DCUN1D5: variants seen among roughly 807,000 people sequenced by gnomAD.
The protein encoded by DCUN1D5 is DCN1-like protein 5.
DCUN1D5 carries 10 observed loss-of-function variants against 38.3 expected under a neutral mutation model. The ratio of observed to expected loss-of-function variants is 0.26; its 90% CI spans 0.16 to 0.44. DCUN1D5 has a LOEUF of 0.44. DCUN1D5 is among the 20% of genes least tolerant of loss of function. The pLI is 1.00. For synonymous variants in DCUN1D5, 93 were observed against 90.9 expected (o/e 1.02, Z -0.13); for missense variants, 148 against 275.3 (o/e 0.54, Z 3.27).
In DCUN1D5 at chr11:103,073,151, T is replaced by C. The variant is rs1443586603; in HGVS notation, c.342-6584A>G. Among the ~76,000 whole-genome samples, 1 of 151,882 alleles carries C rather than the reference T, an allele frequency of 6.6e-6. No homozygotes were observed. The highest frequency in any genetic ancestry group is 2.4e-5 in the African/African-American group (1 of 41,342). ...CATTTACAACAGGTTGAAGTAAAAA[T>C]AAAATACTTAGGTGTAATTCTAACA... On this transcript the variant is annotated intron_variant, in intron 4 of 7. Transcript: ENST00000260247. The surrounding 1 kb of genome is among the most constrained non-coding windows in gnomAD (Gnocchi z 4.2).
Position 103,083,451 on chromosome 11 carries a change from T to C in DCUN1D5, c.179-125A>G, listed in dbSNP as rs894178220. 2 of 570,766 alleles carry C rather than the reference T, an allele frequency of 3.5e-6. No homozygotes were observed. Among genetic ancestry groups the C allele is most frequent in the Non-Finnish European group, 6.3e-6 (2 of 316,360 alleles). The allele number at this position is 570,766 out of a possible 1,614,324, so 35.4% of individuals were successfully genotyped here. On this transcript the variant is annotated intron_variant, in intron 2 of 7. Transcript: ENST00000260247. This position sits in a 1 kb window ranked among gnomAD's most constrained non-coding sequence, Gnocchi z 4.4. ...AAATAATTAAATTTGAATTTTGGCA[T>C]AGCTTTGATAAGTATAAATATTTGC...
Position 103,087,150 on chromosome 11 carries a change from A to AC in DCUN1D5, c.178+2076dup, listed in dbSNP as rs1389180915. 1.3e-5 allele frequency among the ~76,000 whole-genome samples: 2 copies of AC among 148,492 alleles called. No homozygotes were observed. The highest frequency in any genetic ancestry group is 3.0e-5 in the Non-Finnish European group (2 of 67,272). On this transcript the variant is annotated intron_variant, in intron 2 of 7. Coordinates refer to ENST00000260247, the MANE Select transcript of DCUN1D5 (RefSeq NM_032299.4). The surrounding 1 kb of genome is among the most constrained non-coding windows in gnomAD (Gnocchi z 4.1). Reference sequence around the variant, plus strand: ...AGACCAGTTTGGGCAACATCGTGAAACCCCATTTCTTTTTTTCTTTTTCTT... The same window carrying AC: ...AGACCAGTTTGGGCAACATCGTGAAACCCCCATTTCTTTTTTTCTTTTTCTT...
rs1046447067 is a variant in DCUN1D5 at position 103,062,903 on chromosome 11, T to C, written c.659-489A>G. ...AATATCTAATTAATGAGCTAAGTAC[T>C]ATTCTAAAACATATATTTTTATAAC... On this transcript the variant is annotated intron_variant, in intron 7 of 7. Transcript: ENST00000260247. The surrounding 1 kb of genome is among the most constrained non-coding windows in gnomAD (Gnocchi z 4.6). 5.3e-5 allele frequency among the ~76,000 whole-genome samples: 8 copies of C among 152,148 alleles called. No individual in the cohort carries two copies. Among genetic ancestry groups the C allele is most frequent in the African/African-American group, 2.4e-5 (1 of 41,464 alleles).
At position 103,066,400 on chromosome 11, in the gene DCUN1D5, T is replaced by C. The variant is rs1221503223; in HGVS notation, c.451-27A>G. 1.3e-6 allele frequency: 2 copies of C among 1,598,812 alleles called. No homozygotes were observed. Among genetic ancestry groups the C allele is most frequent in the Non-Finnish European group, 1.7e-6 (2 of 1,171,156 alleles). On this transcript the variant is annotated intron_variant, in intron 5 of 7. Transcript: ENST00000260247. This position sits in a 1 kb window ranked among gnomAD's most constrained non-coding sequence, Gnocchi z 4.7. Reference sequence around the variant, plus strand: ...TAAAATATAAGTGAAAAAGTTTTCCTAAGTGTGGTCTCAAGATGAAAAGCT... The same window carrying C: ...TAAAATATAAGTGAAAAAGTTTTCCCAAGTGTGGTCTCAAGATGAAAAGCT...
rs1862444778 is a variant in DCUN1D5 at position 103,077,648 on chromosome 11, A to C, written c.341+5100T>G. On this transcript the variant is annotated intron_variant, in intron 4 of 7. Coordinates refer to ENST00000260247, the MANE Select transcript of DCUN1D5 (RefSeq NM_032299.4). The surrounding 1 kb of genome is among the most constrained non-coding windows in gnomAD (Gnocchi z 4.3). ...GGCTTTTGAACTTGTGTTTCATTAA[A>C]GACCTTTAAAGTGAGAAGAAAGTTT... 6.6e-6 allele frequency among the ~76,000 whole-genome samples: 1 copy of C among 152,240 alleles called. No individual in the cohort carries two copies. The highest frequency in any genetic ancestry group is 1.5e-5 in the Non-Finnish European group (1 of 68,046).
Position 103,062,389 on chromosome 11 carries a change from A to G in DCUN1D5, c.684T>C (p.Val228=), listed in dbSNP as rs781356799. The G allele has an allele frequency of 6.2e-7, 1 of 1,613,362 alleles. No individual in the cohort carries two copies. Among genetic ancestry groups the G allele is most frequent in the Non-Finnish European group, 8.5e-7 (1 of 1,179,576 alleles). ...ATGTCTGACGGACTTTTTGCCACTC[A>G]ACAAATTCATCAAGAAGAACAGGCC... The part of the protein sequence containing the change: ...GAWPVLLDEF[V]EWQKVRQTS Residue 228 remains valine, a synonymous_variant, in exon 8 of 8, where the codon GTT becomes GTC. Coordinates refer to ENST00000260247, the MANE Select transcript of DCUN1D5 (RefSeq NM_032299.4). The surrounding 1 kb of genome is among the most constrained non-coding windows in gnomAD (Gnocchi z 4.6).
In DCUN1D5 at chr11:103,077,424, G is replaced by C. The variant is rs1862437402; in HGVS notation, c.341+5324C>G. Among the ~76,000 whole-genome samples the C allele has an allele frequency of 6.6e-6, 1 of 152,134 alleles. No individual in the cohort carries two copies. Among genetic ancestry groups the C allele is most frequent in the Non-Finnish European group, 1.5e-5 (1 of 68,036 alleles). ...ATAAAAAGAAATGCATACTTAACTAGCGTACTATGGAAAGCAAGAGATAGT... is the reference window on the plus strand; with the variant it reads ...ATAAAAAGAAATGCATACTTAACTACCGTACTATGGAAAGCAAGAGATAGT... On this transcript the variant is annotated intron_variant, in intron 4 of 7. Coordinates refer to ENST00000260247, the MANE Select transcript of DCUN1D5 (RefSeq NM_032299.4). This position sits in a 1 kb window ranked among gnomAD's most constrained non-coding sequence, Gnocchi z 4.3.
chr11:103,079,321 C>T (rs1862492682), intron 4 of DCUN1D5, among the ~76,000 whole-genome samples: 1 of 152,154 alleles, frequency 6.6e-6, no homozygotes, highest in Admixed American at 6.5e-5. Context: ...TTTTCCCTGA[C>T]CTAGTAGAAT....
At position 103,061,852 on chromosome 11, in the gene DCUN1D5, T is replaced by C. The variant is rs546771318; in HGVS notation, c.*507A>G. 3.3e-4 allele frequency among the ~76,000 whole-genome samples: 50 copies of C among 152,202 alleles called. No individual in the cohort carries two copies. Among genetic ancestry groups the C allele is most frequent in the Admixed American group, 1.8e-3 (27 of 15,272 alleles). On this transcript the variant is annotated 3_prime_UTR_variant, in exon 8 of 8. Coordinates refer to ENST00000260247, the MANE Select transcript of DCUN1D5 (RefSeq NM_032299.4). Reference sequence around the variant, plus strand: ...TTTTCCAATACCTAGAAATGTTTATTAGCTGCATCAGCAAATCATTATCCC... The same window carrying C: ...TTTTCCAATACCTAGAAATGTTTATCAGCTGCATCAGCAAATCATTATCCC...
chr11:103,059,484 A>C lies in DCUN1D5; in HGVS notation c.*2875T>G, dbSNP rs1196025036. Among the ~76,000 whole-genome samples, 1 of 152,200 alleles carries C rather than the reference A, an allele frequency of 6.6e-6. No individual in the cohort carries two copies. Among genetic ancestry groups the C allele is most frequent in the Non-Finnish European group, 1.5e-5 (1 of 68,028 alleles). The stretch of plus-strand genomic sequence containing the variant: ...TTCAAATTGCAGTTCAAGAAACACT[A>C]ATCTAGAGTGCTTCTGAGTAAAAAC... On this transcript the variant is annotated 3_prime_UTR_variant, in exon 8 of 8. Transcript: ENST00000260247.
In DCUN1D5 at chr11:103,064,133, C is replaced by T. The variant is rs1862079490; in HGVS notation, c.658+142G>A. 1 of 586,596 alleles carries T rather than the reference C, an allele frequency of 1.7e-6. No individual in the cohort carries two copies. Among genetic ancestry groups the T allele is most frequent in the Non-Finnish European group, 2.9e-6 (1 of 344,718 alleles). 36.3% of individuals were successfully genotyped at this position (586,596 alleles called of 1,614,324 possible). On this transcript the variant is annotated intron_variant, in intron 7 of 7. Coordinates refer to ENST00000260247, the MANE Select transcript of DCUN1D5 (RefSeq NM_032299.4). This position sits in a 1 kb window ranked among gnomAD's most constrained non-coding sequence, Gnocchi z 4.5. ...CTGCTGAATCTAAGCTCTCTCTCTA[C>T]TTCTCCCACAATCCCTCACACAATT...
chr11:103,057,202 AT>A lies in DCUN1D5; in HGVS notation c.*5156del, dbSNP rs2134591205. 6.6e-6 allele frequency among the ~76,000 whole-genome samples: 1 copy of A among 152,380 alleles called. No individual in the cohort carries two copies. The highest frequency in any genetic ancestry group is 2.1e-4 in the South Asian group (1 of 4,830). ...TATTTGCATGACAGAATAGTAAAGT[AT>A]ATAAACTAACTTCACTTAAGTCAAT... is the stretch of plus-strand genomic sequence containing the variant. On this transcript the variant is annotated 3_prime_UTR_variant, in exon 8 of 8. Coordinates refer to ENST00000260247, the MANE Select transcript of DCUN1D5 (RefSeq NM_032299.4). The surrounding 1 kb of genome is among the most constrained non-coding windows in gnomAD (Gnocchi z 4.8).
In DCUN1D5 at chr11:103,053,236, G is replaced by T. The variant is rs1861789627; in HGVS notation, c.*9123C>A. The stretch of plus-strand genomic sequence containing the variant: ...CTATGTTACTGAGCATTTATTACTT[G>T]GTGCCAACTACACTGTAAATTGATC... On this transcript the variant is annotated 3_prime_UTR_variant, in exon 8 of 8. Transcript: ENST00000260247. The surrounding 1 kb of genome is among the most constrained non-coding windows in gnomAD (Gnocchi z 4.8). 1.3e-5 allele frequency: 2 copies of T among 151,924 alleles called. No homozygotes were observed. The highest frequency in any genetic ancestry group is 2.1e-4 in the South Asian group (1 of 4,832). 9.4% of individuals were successfully genotyped at this position (151,924 alleles called of 1,614,324 possible).
rs947948785 is a variant in DCUN1D5, at chr11:103,060,380, A to C, written c.*1979T>G. On this transcript the variant is annotated 3_prime_UTR_variant, in exon 8 of 8. Coordinates refer to ENST00000260247, the MANE Select transcript of DCUN1D5 (RefSeq NM_032299.4). ...TGACCCTTGAACAGCATGAGTTTGAACTGTGTGGGTCTGCTTATACGCAGA... is the reference window on the plus strand; with the variant it reads ...TGACCCTTGAACAGCATGAGTTTGACCTGTGTGGGTCTGCTTATACGCAGA... Among the ~76,000 whole-genome samples the C allele has an allele frequency of 1.3e-5, 2 of 152,168 alleles. No individual in the cohort carries two copies. The highest frequency in any genetic ancestry group is 2.4e-5 in the African/African-American group (1 of 41,442).
At chr11:103,088,142 A>C (rs1277177120) in intron 2 of DCUN1D5, among the ~76,000 whole-genome samples, 1 of 152,178 alleles carries the variant, frequency 6.6e-6, no homozygotes, top group East Asian at 1.9e-4. Context: ...CCCCCCTTTC[A>C]AAATAGTCTC....
In DCUN1D5 at chr11:103,055,124, T is replaced by G. The variant is rs1371280130; in HGVS notation, c.*7235A>C. ...TTTTTACACATAGCCTGCAGCTAAT[T>G]TTATTTTTCTCTTGGGAACAGAGTA... is the stretch of plus-strand genomic sequence containing the variant. On this transcript the variant is annotated 3_prime_UTR_variant, in exon 8 of 8. Coordinates refer to ENST00000260247, the MANE Select transcript of DCUN1D5 (RefSeq NM_032299.4). 2 of 152,176 alleles carry G rather than the reference T, an allele frequency of 1.3e-5. No homozygotes were observed. Among genetic ancestry groups the G allele is most frequent in the Non-Finnish European group, 2.9e-5 (2 of 68,024 alleles). 9.4% of individuals were successfully genotyped at this position (152,176 alleles called of 1,614,324 possible). A position where few individuals can be genotyped will look rare whatever the true frequency, so the allele number is the denominator to read the frequency against.
At chr11:103,084,948 T>TGATCA (rs1341147750) in intron 2 of DCUN1D5, among the ~76,000 whole-genome samples, 1 of 152,060 alleles carries the variant, frequency 6.6e-6, no homozygotes, top group Admixed American at 6.6e-5. Flanking sequence ...GATCACGCCA[T>TGATCA]TGTACTCCAG....
At chr11:103,067,398 CTG>C (rs2134606393) in intron 4 of DCUN1D5, among the ~76,000 whole-genome samples, 1 of 152,260 alleles carries the variant, frequency 6.6e-6, no homozygotes, top group South Asian at 2.1e-4. Context: ...CCAAATGCCA[CTG>C]CCATACTTCA....
intron 1 of DCUN1D5, among the ~76,000 whole-genome samples, chr11:103,089,757 A>G (rs1862807118): frequency 2.0e-5 from 3 of 152,160 alleles, no homozygotes; most frequent in Non-Finnish European, 4.4e-5. Context: ...AAAATGTTAT[A>G]TTAAGAGTTG....
Sources: gnomAD v4.1 joint callset for allele counts (sites outside exome capture counted in the v4.1 genomes callset) on GRCh38, gnomAD v4.1.1 for gene constraint, Gnocchi (gnomAD v3.1) non-coding constraint, MANE v1.5 for transcripts, NCBI Gene and HGNC (gene_info 2026-07-23, HGNC 2026-07-21) for gene names.